UBE2V1: variants seen among roughly 807,000 people sequenced by gnomAD.
UBE2V1 encodes ubiquitin-conjugating enzyme E2 variant 1.
Under a neutral mutation model 19.6 loss-of-function variants are expected in UBE2V1, and 15 were observed. That is an observed-to-expected ratio of 0.77 (90% CI 0.51 to 1.18). The LOEUF (loss-of-function observed/expected upper bound fraction) is 1.18, where lower values mean the gene tolerates loss of function less well. Among genes scored for constraint, UBE2V1 ranks in the 50% most tolerant of loss-of-function variants. The pLI, the probability that UBE2V1 is intolerant of heterozygous loss-of-function variation, is 0.00. For synonymous variants in UBE2V1, 60 were observed against 60.7 expected, an observed-to-expected ratio of 0.99 and a Z score of 0.05; for missense variants, 125 against 184.8, an observed-to-expected ratio of 0.68 and a Z score of 1.88.
intron 1 of UBE2V1, among the ~76,000 whole-genome samples, chr20:50,105,549 T>C (rs888242739): frequency 1.3e-5 from 2 of 152,234 alleles, no homozygotes; most frequent in Admixed American, 6.5e-5. Flanking sequence ...CTTTAATCAA[T>C]TGAATCAACA....
intron 3 of UBE2V1, 74 bp from the exon 4 acceptor site, chr20:50,082,988 A>C: frequency 6.3e-7 from 1 of 1,582,268 alleles, no homozygotes; most frequent in Admixed American, 1.7e-5. Flanking sequence ...GGTTAAGCTA[A>C]GGTGCAAACT....
intron 2 of UBE2V1, among the ~76,000 whole-genome samples, chr20:50,087,812 G>C (rs2079007556): frequency 6.6e-6 from 1 of 152,028 alleles, no homozygotes; most frequent in Non-Finnish European, 1.5e-5. Flanking sequence ...TATGAACATG[G>C]CATATTCATA....
chr20:50,105,641 G>A (rs1311855889), intron 1 of UBE2V1, among the ~76,000 whole-genome samples: 1 of 152,158 alleles, frequency 6.6e-6, no homozygotes, highest in East Asian at 1.9e-4. Flanking sequence ...GTGACAATAT[G>A]GAAGACATAA....
chr20:50,088,085 C>A (rs1203795950), intron 2 of UBE2V1, among the ~76,000 whole-genome samples: 4 of 139,072 alleles, frequency 2.9e-5, no homozygotes, highest in Admixed American at 1.5e-4. Flanking sequence ...TATGAGATAA[C>A]CCCAGTCTAA....
chr20:50,115,848 G>A, upstream of UBE2V1: 3 of 319,208 alleles, frequency 9.4e-6, no homozygotes, highest in Non-Finnish European at 5.6e-6. Flanking sequence ...TATGGTGCCC[G>A]TAAATGTTTA....
Position 50,113,107 on chromosome 20 carries a change from C to T in UBE2V1, c.22G>A (p.Gly8Arg), listed in dbSNP as rs1468301116. 4.4e-6 allele frequency: 6 copies of T among 1,349,870 alleles called. No individual in the cohort carries two copies. The highest frequency in any genetic ancestry group is 4.8e-6 in the Non-Finnish European group (5 of 1,031,612). The allele number at this position is 1,349,870 out of a possible 1,614,324, so 83.6% of individuals were successfully genotyped here. MAATTGSGVKVPRNFRLL... is the reference protein window; with the variant it reads MAATTGSRVKVPRNFRLL... ...GGCCGGGCCCGGCGCCCCCGCTCAC[C>T]CGAGCCCGTGGTGGCTGCCATCTTG... is the stretch of plus-strand genomic sequence containing the variant. The change falls in exon 1 of 4, where the codon GGA (glycine) becomes AGA (arginine). Residue 8 changes from glycine (G) to arginine (R), a missense_variant and splice_region_variant. Around this residue, in one of 3 missense-constraint regions of UBE2V1, gnomAD observed 28 missense variants for 22.5 expected, o/e 1.25. Coordinates refer to ENST00000371674, the MANE Select transcript of UBE2V1 (RefSeq NM_001032288.3).
intron 3 of UBE2V1, among the ~76,000 whole-genome samples, chr20:50,083,358 C>A (rs1302804427): frequency 6.6e-6 from 1 of 152,250 alleles, no homozygotes; most frequent in Non-Finnish European, 1.5e-5. Context: ...GAGCCAGCAC[C>A]TCTCAGGTTA....
chr20:50,085,930 G>C (rs940611286), intron 2 of UBE2V1, among the ~76,000 whole-genome samples: 1 of 151,576 alleles, frequency 6.6e-6, no homozygotes, highest in Non-Finnish European at 1.5e-5. Context: ...CTCTGAAAGA[G>C]ACCCCACTGT....
chr20:50,106,616 A>G (rs140883516), intron 1 of UBE2V1, among the ~76,000 whole-genome samples: 4 of 152,278 alleles, frequency 2.6e-5, no homozygotes, highest in African/African-American at 4.8e-5. Flanking sequence ...GGATCACCTG[A>G]GGTCGGGAGT....
intron 2 of UBE2V1, among the ~76,000 whole-genome samples, chr20:50,091,004 C>A (rs990571410): frequency 6.6e-6 from 1 of 152,062 alleles, no homozygotes; most frequent in South Asian, 2.1e-4. Flanking sequence ...AGAGTTAAAG[C>A]GGGACTAAGT....
intron 1 of UBE2V1, among the ~76,000 whole-genome samples, chr20:50,098,227 A>T (rs1198198256): frequency 6.6e-6 from 1 of 152,226 alleles, no homozygotes; most frequent in Non-Finnish European, 1.5e-5. Context: ...AGAGCAAACA[A>T]GTGCAAAGGC....
chr20:50,096,350 A>G (rs1282361655), intron 2 of UBE2V1: 4 of 365,082 alleles, frequency 1.1e-5, no homozygotes, highest in Non-Finnish European at 2.0e-5. Context: ...AATGCTGGCT[A>G]TACCTAGGGC....
chr20:50,084,470 A>G, intron 2 of UBE2V1: 1 of 805,432 alleles, frequency 1.2e-6, no homozygotes, highest in East Asian at 3.0e-5. Flanking sequence ...AAGATGGAGC[A>G]TTTAAGCTAG....
intron 2 of UBE2V1, among the ~76,000 whole-genome samples, chr20:50,093,284 G>A (rs867944818): frequency 1.3e-5 from 2 of 152,242 alleles, no homozygotes; most frequent in Non-Finnish European, 2.9e-5. Context: ...TTGAAATTTT[G>A]ATGGAAAATG....
Position 50,084,236 on chromosome 20 carries a change from T to C in UBE2V1, c.190A>G (p.Ile64Val), listed in dbSNP as rs1182889311. 1 of 1,610,964 alleles carries C rather than the reference T, an allele frequency of 6.2e-7. No homozygotes were observed. The highest frequency in any genetic ancestry group is 8.5e-7 in the Non-Finnish European group (1 of 1,177,922). ...GPPRTIYENR[I>V]YSLKIECGPK... ...CCACATTCTATTTTAAGGCTGTATA[T>C]TCGGTTTTCATAAATTGTCTGGAAA... The change falls in exon 3 of 4, where the codon ATA (isoleucine) becomes GTA (valine). Residue 64 changes from isoleucine (I) to valine (V), a missense_variant. By Grantham distance (29) the Ile-to-Val change is conservative. This residue lies in a region of UBE2V1 where 78 missense variants were observed against 108.8 expected (regional missense o/e 0.72). Coordinates refer to ENST00000371674, the MANE Select transcript of UBE2V1 (RefSeq NM_001032288.3).
rs752098899 is a variant in UBE2V1 at position 50,113,114 on chromosome 20, C to A, written c.15G>T (p.Thr5=). The A allele has an allele frequency of 6.6e-6, 9 of 1,358,770 alleles. No individual in the cohort carries two copies. In the South Asian group the frequency reaches 8.9e-5, roughly 13 times the overall value. 84.2% of individuals were successfully genotyped at this position (1,358,770 alleles called of 1,614,324 possible). The change falls in exon 1 of 4, where the codon ACG becomes ACT. Residue 5 remains threonine, a synonymous_variant. Transcript: ENST00000371674. The part of the protein sequence containing the change: MAAT[T]GSGVKVPRNF... ...CCCGGCGCCCCCGCTCACCCGAGCC[C>A]GTGGTGGCTGCCATCTTGCGTCGCT... is the stretch of plus-strand genomic sequence containing the variant.
At chr20:50,093,987 C>CAAAAAAAAAAAAAAAAAAAAAA (rs60174191) in intron 2 of UBE2V1, among the ~76,000 whole-genome samples, 2 of 56,306 alleles carry the variant, frequency 3.6e-5, no homozygotes, top group African/African-American at 6.5e-5. Flanking sequence ...GACTCCAACT[C>CAAAAAAAAAAAAAAAAAAAAAA]AAAAAAAAAA....
chr20:50,088,857 T>G (rs2079069130), intron 2 of UBE2V1, among the ~76,000 whole-genome samples: 1 of 147,372 alleles, frequency 6.8e-6, no homozygotes, highest in Admixed American at 6.7e-5. Flanking sequence ...GCAAGGAAAA[T>G]TACAAAATCT....
chr20:50,088,750 A>C (rs6020246), intron 2 of UBE2V1, among the ~76,000 whole-genome samples: 141,681 of 149,266 alleles, frequency 0.95, 67,304 homozygotes, highest in East Asian at 1. Context: ...TGTGTCACTG[A>C]ACTTCAGCCT....
Sources: allele counts gnomAD v4.1 joint callset (sites outside exome capture counted in the v4.1 genomes callset), GRCh38; gene constraint gnomAD v4.1.1; regional missense constraint gnomAD v4.1.1; transcripts MANE v1.5; gene names NCBI Gene and HGNC (gene_info 2026-07-23, HGNC 2026-07-21).